Variants in ARMC8 observed in about 807,000 individuals in gnomAD.
ARMC8 encodes armadillo repeat-containing protein 8.
In ARMC8, 20 loss-of-function variants were observed where a neutral mutation model predicts 99.3. The ratio of observed to expected loss-of-function variants is 0.20; its 90% CI spans 0.14 to 0.29. ARMC8 has a LOEUF of 0.29. Among genes scored for constraint, ARMC8 ranks in the 10% least tolerant of loss-of-function variants. ARMC8 has a pLI of 1.00. For synonymous variants in ARMC8, 263 were observed against 278.3 expected, an observed-to-expected ratio of 0.95 and a Z score of 0.55; for missense variants, 569 against 809.5, an observed-to-expected ratio of 0.70 and a Z score of 3.60.
intron 12 of ARMC8, among the ~76,000 whole-genome samples, chr3:138,253,390 C>T (rs2047232635): frequency 6.6e-6 from 1 of 152,136 alleles, no homozygotes; most frequent in Non-Finnish European, 1.5e-5. Context: ...GACCAAGGCC[C>T]CCCAGCTAGT....
At chr3:138,252,729 C>T (rs1468255235) in intron 12 of ARMC8, among the ~76,000 whole-genome samples, 1 of 76,150 alleles carries the variant, frequency 1.3e-5, no homozygotes, top group Admixed American at 2.3e-4. Flanking sequence ...GCTGGGATTA[C>T]AGGCGTGAGC....
At chr3:138,190,985 G>A (rs992610019) in intron 1 of ARMC8, among the ~76,000 whole-genome samples, 3 of 152,184 alleles carry the variant, frequency 2.0e-5, no homozygotes, top group Admixed American at 6.5e-5. Flanking sequence ...ACTAGGGAAG[G>A]TTTCCCTGAA....
chr3:138,215,973 G>A (rs1166003324), intron 2 of ARMC8, among the ~76,000 whole-genome samples: 1 of 150,674 alleles, frequency 6.6e-6, no homozygotes, highest in Non-Finnish European at 1.5e-5. Flanking sequence ...CAATTCTCCT[G>A]CCTCAGCCTC....
At chr3:138,258,118 T>G (rs1008440719) in intron 12 of ARMC8, among the ~76,000 whole-genome samples, 2 of 152,148 alleles carry the variant, frequency 1.3e-5, no homozygotes, top group Non-Finnish European at 2.9e-5. Context: ...ACATAAGTGA[T>G]TGATGTTAAG....
In ARMC8 at chr3:138,193,126, G is replaced by C. The variant is rs556650650; in HGVS notation, c.45+5527G>C. ...TGGGATTACAGATGCCCACCACCAT[G>C]CCTGGCTAATTTTTGTATTTTTAGT... On this transcript the variant is annotated intron_variant, in intron 1 of 21. Transcript: ENST00000469044. Among the ~76,000 whole-genome samples the C allele has an allele frequency of 7.9e-5, 12 of 151,950 alleles. No individual in the cohort carries two copies. The Middle Eastern group carries it at 0.01, about 129-fold the overall frequency.
chr3:138,262,792 C>T (rs1300541848), intron 12 of ARMC8, among the ~76,000 whole-genome samples: 3 of 152,104 alleles, frequency 2.0e-5, no homozygotes, highest in African/African-American at 7.2e-5. Flanking sequence ...TAATGAGTTG[C>T]CCATATTGGG....
At chr3:138,233,057 C>G (rs953180743) in intron 6 of ARMC8, among the ~76,000 whole-genome samples, 1 of 152,174 alleles carries the variant, frequency 6.6e-6, no homozygotes, top group African/African-American at 2.4e-5. Flanking sequence ...CCTTACGAGA[C>G]CCCTGTTTTC....
chr3:138,284,853 G>A (rs567616890), intron 19 of ARMC8, among the ~76,000 whole-genome samples: 1 of 152,284 alleles, frequency 6.6e-6, no homozygotes, highest in Admixed American at 6.5e-5. Context: ...CAAGGCTTCA[G>A]TCCCATGGTG....
chr3:138,192,042 G>T (rs1001003097), intron 1 of ARMC8, among the ~76,000 whole-genome samples: 8 of 152,114 alleles, frequency 5.3e-5, no homozygotes, highest in African/African-American at 1.7e-4. Flanking sequence ...GATGGTAAAT[G>T]CATGTTTAAT....
At chr3:138,203,710 G>A (rs1255790110) in intron 1 of ARMC8, among the ~76,000 whole-genome samples, 1 of 152,236 alleles carries the variant, frequency 6.6e-6, no homozygotes, top group Non-Finnish European at 1.5e-5. Context: ...ATCAGGAGGT[G>A]GGGATCATTG....
intron 2 of ARMC8, among the ~76,000 whole-genome samples, chr3:138,211,210 A>G (rs996796042): frequency 4.6e-5 from 7 of 152,238 alleles, no homozygotes; most frequent in African/African-American, 1.7e-4. Context: ...GATACTCTCC[A>G]CATATAACCA....
chr3:138,207,493 G>C (rs1217582704), intron 1 of ARMC8, among the ~76,000 whole-genome samples: 1 of 152,204 alleles, frequency 6.6e-6, no homozygotes, highest in African/African-American at 2.4e-5. Flanking sequence ...ACATCATTGA[G>C]AGGTAAGAGA....
intron 5 of ARMC8, among the ~76,000 whole-genome samples, chr3:138,226,602 T>A (rs1204187953): frequency 6.6e-6 from 1 of 152,224 alleles, no homozygotes; most frequent in South Asian, 2.1e-4. Context: ...TTAGTTAATA[T>A]CAGTTTATTT....
intron 1 of ARMC8, among the ~76,000 whole-genome samples, chr3:138,201,554 C>T (rs2044081466): frequency 2.8e-5 from 4 of 145,380 alleles, no homozygotes; most frequent in South Asian, 2.3e-4. Context: ...CTCCACCTCC[C>T]GGGTTCAAGC....
At chr3:138,278,648 G>A (rs186971302) in intron 18 of ARMC8, among the ~76,000 whole-genome samples, 3 of 152,106 alleles carry the variant, frequency 2.0e-5, no homozygotes, top group Admixed American at 1.3e-4. Flanking sequence ...ATAAATTTGG[G>A]AGGACGTGAC....
Position 138,209,886 on chromosome 3 carries a change from G to C in ARMC8, c.115G>C (p.Gly39Arg). 6.2e-7 allele frequency: 1 copy of C among 1,613,014 alleles called. No individual in the cohort carries two copies. Among genetic ancestry groups the C allele is most frequent in the Non-Finnish European group, 8.5e-7 (1 of 1,179,154 alleles). Reference protein sequence around the residue: ...FDPDPQKVLQGVIDMKNAVIG... With the variant: ...FDPDPQKVLQRVIDMKNAVIG... ...CCCTGATCCCCAGAAAGTTCTACAA[G>C]GTGTCATGTAAGTAGTATGTATTTA... The change falls in exon 2 of 22, where the codon GGT becomes CGT. Residue 39 changes from glycine to arginine, a missense_variant. Around this residue, in one of 2 missense-constraint regions of ARMC8, gnomAD observed 342 missense variants for 391.6 expected, o/e 0.87. Coordinates refer to ENST00000469044, the MANE Select transcript of ARMC8 (RefSeq NM_001363941.2).
chr3:138,234,544 T>C (rs2046233889), intron 6 of ARMC8, among the ~76,000 whole-genome samples: 1 of 152,212 alleles, frequency 6.6e-6, no homozygotes, highest in Admixed American at 6.5e-5. Context: ...TTAAGGTAGG[T>C]TAGTTTGTGG....
At position 138,297,851 on chromosome 3, in the gene ARMC8, G is replaced by A. The variant is rs2051621345; in HGVS notation, c.*1959G>A. ...TTTAACACAAAACACTATAGTGTTG[G>A]TATTAAATAGTACTAGGTAAATATA... On this transcript the variant is annotated 3_prime_UTR_variant, in exon 22 of 22. Transcript: ENST00000469044. 1 of 152,162 alleles carries A rather than the reference G, an allele frequency of 6.6e-6. No homozygotes were observed. Among genetic ancestry groups the A allele is most frequent in the Non-Finnish European group, 1.5e-5 (1 of 68,034 alleles). 9.4% of individuals were successfully genotyped at this position (152,162 alleles called of 1,614,324 possible). A position where few individuals can be genotyped will look rare whatever the true frequency, so the allele number is the denominator to read the frequency against.
At position 138,280,491 on chromosome 3, in the gene ARMC8, T is replaced by A. The variant is rs2049785756; in HGVS notation, c.1726-3940T>A. ...CACCACCATGCCTGGTTACTTTCTT[T>A]TTTTTCTTTTTTTTTTTTTTGAGAC... On this transcript the variant is annotated intron_variant, in intron 18 of 21. Transcript: ENST00000469044. Among the ~76,000 whole-genome samples, 4 of 148,924 alleles carry A rather than the reference T, an allele frequency of 2.7e-5. No individual in the cohort carries two copies. The South Asian group carries it at 6.4e-4, about 24-fold the overall frequency.
Sources: allele counts gnomAD v4.1 joint callset (sites outside exome capture counted in the v4.1 genomes callset), GRCh38; gene constraint gnomAD v4.1.1; regional missense constraint gnomAD v4.1.1; transcripts MANE v1.5; gene names NCBI Gene and HGNC (gene_info 2026-07-23, HGNC 2026-07-21).